Variants in C12orf75 observed in about 807,000 individuals in gnomAD.
C12orf75 encodes the protein overexpressed in colon carcinoma 1 protein.
In C12orf75, 4 loss-of-function variants were observed where a neutral mutation model predicts 11.4. The observed-to-expected ratio is 0.35, with a 90% CI of 0.17 to 0.80. C12orf75 has a LOEUF of 0.80. Among genes scored for constraint, C12orf75 ranks in the 30% least tolerant of loss-of-function variants. C12orf75 has a pLI of 0.52. For missense variants in C12orf75, 89 were observed against 80.4 expected (o/e 1.11, Z -0.41); for synonymous variants, 30 against 30.0 (o/e 1.00, Z 0.00).
chr12:105,362,731 A>G (rs1012535751), intron 2 of C12orf75, among the ~76,000 whole-genome samples: 11 of 152,068 alleles, frequency 7.2e-5, no homozygotes, highest in African/African-American at 2.4e-4. Context: ...TCTAATGCAA[A>G]TTAGCATGGG....
chr12:105,362,668 A>G (rs1892888760), intron 2 of C12orf75, among the ~76,000 whole-genome samples: 1 of 36,354 alleles, frequency 2.8e-5, no homozygotes, highest in Non-Finnish European at 4.1e-5. Flanking sequence ...CTCCGTCTCA[A>G]AAAAAAAAAA....
chr12:105,352,763 C>G (rs1378523199), intron 2 of C12orf75, among the ~76,000 whole-genome samples: 2 of 152,138 alleles, frequency 1.3e-5, no homozygotes, highest in Non-Finnish European at 2.9e-5. Flanking sequence ...CATGTAAATC[C>G]TATGACAGGC....
At chr12:105,359,764 CCTT>C (rs760151871) in intron 2 of C12orf75, among the ~76,000 whole-genome samples, 281 of 146,554 alleles carry the variant, frequency 1.9e-3, no homozygotes, top group Non-Finnish European at 3.0e-3. Context: ...GAGCCAGACT[CCTT>C]CTCCAGAAAA....
At chr12:105,336,902 A>G (rs1025968205) in intron 1 of C12orf75, among the ~76,000 whole-genome samples, 4 of 152,174 alleles carry the variant, frequency 2.6e-5, no homozygotes, top group Non-Finnish European at 5.9e-5. Context: ...CATTGGTGAG[A>G]CAGAACCAAG....
intron 1 of C12orf75, among the ~76,000 whole-genome samples, chr12:105,336,019 G>C (rs956220437): frequency 6.6e-6 from 1 of 152,212 alleles, no homozygotes; most frequent in Non-Finnish European, 1.5e-5. Flanking sequence ...CTTGATTTGG[G>C]TTTGAAGAAT....
intron 1 of C12orf75, among the ~76,000 whole-genome samples, chr12:105,335,657 A>G (rs1892491725): frequency 6.8e-6 from 1 of 146,460 alleles, no homozygotes; most frequent in African/African-American, 2.6e-5. Flanking sequence ...ACTAGTTTCC[A>G]CATTTTTAAT....
intron 1 of C12orf75, among the ~76,000 whole-genome samples, chr12:105,341,907 A>G (rs572546805): frequency 2.6e-5 from 4 of 152,314 alleles, no homozygotes; most frequent in Admixed American, 2.6e-4. Flanking sequence ...GGTTTTATAA[A>G]TGGGAGTTCC....
chr12:105,335,165 G>A (rs1311646722), intron 1 of C12orf75, among the ~76,000 whole-genome samples: 1 of 152,184 alleles, frequency 6.6e-6, no homozygotes, highest in Non-Finnish European at 1.5e-5. Flanking sequence ...CCGAGGGGGA[G>A]GAGCTTGATA....
At chr12:105,354,802 A>AGGT (rs1290420685) in intron 2 of C12orf75, among the ~76,000 whole-genome samples, 1 of 152,188 alleles carries the variant, frequency 6.6e-6, no homozygotes, top group African/African-American at 2.4e-5. Flanking sequence ...GGAGAGGAAT[A>AGGT]GGTGGTGACC....
At chr12:105,330,975 C>G in intron 1 of C12orf75, 38 bp downstream of exon 1, 17 of 889,374 alleles carry the variant, frequency 1.9e-5, no homozygotes, top group Non-Finnish European at 2.2e-5. Context: ...CGGGGGCGGG[C>G]GGGAGAGGCG....
chr12:105,348,725 A>T (rs376694205), intron 2 of C12orf75, 99 bp downstream of exon 2: 22 of 721,692 alleles, frequency 3.0e-5, no homozygotes, highest in South Asian at 2.9e-4. Context: ...ATGGCTGAAA[A>T]GACATGGAAA....
chr12:105,340,165 C>T (rs1383766215), intron 1 of C12orf75, among the ~76,000 whole-genome samples: 1 of 151,998 alleles, frequency 6.6e-6, no homozygotes, highest in Non-Finnish European at 1.5e-5. Flanking sequence ...GTGGCTCACG[C>T]CTGTAATCCC....
At chr12:105,358,546 A>T (rs1050430748) in intron 2 of C12orf75, among the ~76,000 whole-genome samples, 2 of 152,190 alleles carry the variant, frequency 1.3e-5, no homozygotes, top group Admixed American at 1.3e-4. Context: ...CAATAATAAT[A>T]AATAAATACA....
chr12:105,335,206 A>G (rs1239809442), intron 1 of C12orf75, among the ~76,000 whole-genome samples: 1 of 152,214 alleles, frequency 6.6e-6, no homozygotes, highest in East Asian at 1.9e-4. Context: ...AGTGTATCCC[A>G]GGGAGTTAAT....
chr12:105,343,073 A>G (rs1482482037), intron 1 of C12orf75, among the ~76,000 whole-genome samples: 1 of 152,246 alleles, frequency 6.6e-6, no homozygotes, highest in Non-Finnish European at 1.5e-5. Flanking sequence ...GAAACTGCAT[A>G]TAATACTTTC....
intron 5 of C12orf75, among the ~76,000 whole-genome samples, chr12:105,369,223 T>G (rs1871563126): frequency 2.0e-5 from 3 of 152,088 alleles, no homozygotes. Flanking sequence ...GACACGATGA[T>G]TGCTCACCCT....
intron 5 of C12orf75, among the ~76,000 whole-genome samples, chr12:105,369,207 G>A (rs1871562797): frequency 6.6e-6 from 1 of 152,190 alleles, no homozygotes; most frequent in South Asian, 2.1e-4. Context: ...TCTCATGGGA[G>A]TGTTAGACAC....
rs67643973 is a variant in C12orf75 at position 105,357,778 on chromosome 12, C to CTGTGTGTGTGTGTGTGTGTG, written c.72-8018_72-7999dup. On this transcript the variant is annotated intron_variant, in intron 2 of 5. Transcript: ENST00000443585. ...TTTAGTTGAATGCCCAATGTATTTT[C>CTGTGTGTGTGTGTGTGTGTG]TGTGTGTGTGTGTGTGTGTGTGTGT... Among the ~76,000 whole-genome samples, 1,009 of 137,270 alleles carry CTGTGTGTGTGTGTGTGTGTG rather than the reference C, an allele frequency of 7.4e-3. 5 individuals carry two copies. Among genetic ancestry groups the CTGTGTGTGTGTGTGTGTGTG allele is most frequent in the African/African-American group, 0.016 (587 of 36,702 alleles). 90.1% of individuals were successfully genotyped at this position (137,270 alleles called of 152,430 possible).
chr12:105,362,969 A>G (rs149578191), intron 2 of C12orf75, among the ~76,000 whole-genome samples: 1 of 152,376 alleles, frequency 6.6e-6, no homozygotes, highest in East Asian at 1.9e-4. Flanking sequence ...ATGATGGTCA[A>G]AGCTTTTGCA....
Sources: gnomAD v4.1 joint callset for allele counts (sites outside exome capture counted in the v4.1 genomes callset) on GRCh38, gnomAD v4.1.1 for gene constraint, MANE v1.5 for transcripts, NCBI Gene and HGNC (gene_info 2026-07-23, HGNC 2026-07-21) for gene names.